The following FHL1 variants were observed in gnomAD, a reference collection of about 807,000 sequenced individuals.
FHL1 encodes four and a half LIM domains protein 1.
In FHL1, 1 loss-of-function variant was observed where a neutral mutation model predicts 20.3. That is an observed-to-expected ratio of 0.05 (90% CI 0.02 to 0.23). FHL1 has a LOEUF of 0.23. Ranked by LOEUF, FHL1 falls within the 10% of genes least tolerant of loss-of-function variation. The pLI is 1.00. For synonymous variants in FHL1, 82 were observed against 88.9 expected (o/e 0.92, Z 0.44); for missense variants, 177 against 234.0 (o/e 0.76, Z 1.59).
chrX:136,174,744 T>A (rs1270182485), intron 2 of FHL1, among the ~76,000 whole-genome samples: 6 of 111,649 alleles, frequency 5.4e-5, no homozygotes, highest in Non-Finnish European at 1.1e-4. Flanking sequence ...TAACTCTGAT[T>A]TTAAAATTTG....
chrX:136,164,541 A>G (rs2072662061), intron 1 of FHL1, among the ~76,000 whole-genome samples: 1 of 111,577 alleles, frequency 9.0e-6, no homozygotes, highest in Non-Finnish European at 1.9e-5. Flanking sequence ...CCAGTTAAAA[A>G]ATAAATATAT....
chrX:136,207,079 C>A lies in FHL1; in HGVS notation c.268C>A (p.Pro90Thr), dbSNP rs774990626. Residue 90 changes from proline (P) to threonine (T), a missense_variant, in exon 3 of 6, where the codon CCC becomes ACC. Physicochemically the swap from Pro to Thr is conservative, Grantham distance 38. Transcript: ENST00000370683. Reference sequence around the variant, plus strand: ...CTTCCGCTGTGCCAAGTGCCTTCACCCCTTGGCCAATGAGACCTTTGTGGC... The same window carrying A: ...CTTCCGCTGTGCCAAGTGCCTTCACACCTTGGCCAATGAGACCTTTGTGGC... ...TCFRCAKCLHPLANETFVAKD... is the reference protein window; with the variant it reads ...TCFRCAKCLHTLANETFVAKD... 2 of 1,211,801 alleles carry A rather than the reference C, an allele frequency of 1.7e-6. No homozygotes were observed. Among genetic ancestry groups the A allele is most frequent in the Non-Finnish European group, 2.2e-6 (2 of 895,514 alleles).
chrX:136,183,094 C>CAA lies in FHL1; in HGVS notation c.-27+13127_-27+13128dup, dbSNP rs770573573. Among the ~76,000 whole-genome samples the CAA allele has an allele frequency of 2.2e-4, 11 of 50,381 alleles. No individual in the cohort carries two copies. The South Asian group carries it at 2.8e-3, about 13-fold the overall frequency. 43.7% of individuals were successfully genotyped at this position (50,381 alleles called of 115,157 possible). A position where few individuals can be genotyped will look rare whatever the true frequency, so the allele number is the denominator to read the frequency against. On this transcript the variant is annotated intron_variant, in intron 2 of 6. Coordinates refer to the FHL1 transcript ENST00000394153. Reference sequence around the variant, plus strand: ...CCTGGGCGACAGAGCGAGACTGTCTCAAAAAAAAAAAAAACAAAAAACAAA... The same window carrying CAA: ...CCTGGGCGACAGAGCGAGACTGTCTCAAAAAAAAAAAAAAAACAAAAAACAAA...
At chrX:136,183,170 A>AATTAGT (rs1219036983) in intron 2 of FHL1, among the ~76,000 whole-genome samples, 1 of 110,716 alleles carries the variant, frequency 9.0e-6, no homozygotes, top group Non-Finnish European at 1.9e-5. Flanking sequence ...TAGTTGGGGG[A>AATTAGT]TGTGGGTGGG....
chrX:136,171,561 G>T (rs2072867628), intron 2 of FHL1, among the ~76,000 whole-genome samples: 1 of 112,746 alleles, frequency 8.9e-6, no homozygotes, highest in Non-Finnish European at 1.9e-5. Flanking sequence ...TGCCAGCTAG[G>T]TGAGACCTGA....
intron 1 of FHL1, chrX:136,148,742 G>A (rs1263879649): frequency 3.6e-5 from 4 of 111,923 alleles, no homozygotes; most frequent in Non-Finnish European, 7.5e-5. Context: ...TCTCAGGTTT[G>A]TTTTGATTGC....
intron 1 of FHL1, among the ~76,000 whole-genome samples, chrX:136,198,832 G>T (rs763732757): frequency 9.0e-6 from 1 of 111,678 alleles, no homozygotes; most frequent in South Asian, 3.8e-4. Flanking sequence ...GTGTGGAGGG[G>T]GATCAGGTCA....
intron 1 of FHL1, among the ~76,000 whole-genome samples, chrX:136,158,769 C>T (rs752552523): frequency 1.8e-5 from 2 of 111,238 alleles, no homozygotes; most frequent in South Asian, 3.8e-4. Flanking sequence ...TTTGAAGCCA[C>T]GAATCATTAA....
chrX:136,170,445 A>G (rs1214352818), intron 2 of FHL1, among the ~76,000 whole-genome samples: 1 of 111,435 alleles, frequency 9.0e-6, no homozygotes, highest in East Asian at 2.8e-4. Context: ...ATCTGGTGAT[A>G]GAAGGCCAAA....
intron 5 of FHL1, among the ~76,000 whole-genome samples, chrX:136,208,997 G>A (rs907403687): frequency 6.4e-5 from 7 of 109,442 alleles, no homozygotes; most frequent in Non-Finnish European, 1.3e-4. Context: ...AAGGGAGGCC[G>A]AAGAGTGATA....
At chrX:136,169,510 G>C (rs2072801776), upstream of FHL1, 8 of 173,585 alleles carry the variant, frequency 4.6e-5, no homozygotes, top group South Asian at 4.4e-4. Context: ...GATGTTAAAA[G>C]AGAGAGAGAG....
At chrX:136,175,681 C>A (rs1337580355) in intron 2 of FHL1, among the ~76,000 whole-genome samples, 2 of 112,207 alleles carry the variant, frequency 1.8e-5, no homozygotes, top group Admixed American at 9.4e-5. Context: ...TTCACACTTA[C>A]ATTAGCAATA....
rs1454391398 is a variant in FHL1, at chrX:136,210,416, A to ATG, written c.*391_*392insTG. ...CTCAGCTGGGACCCACCGTGTAGACACACGACATGCAAGAGTTGCAGCGGC... is the reference window on the plus strand; with the variant it reads ...CTCAGCTGGGACCCACCGTGTAGACATGCACGACATGCAAGAGTTGCAGCGGC... On this transcript the variant is annotated 3_prime_UTR_variant, in exon 6 of 6. Transcript: ENST00000370683. 7.6e-6 allele frequency: 3 copies of ATG among 393,531 alleles called. No homozygotes were observed. Among genetic ancestry groups the ATG allele is most frequent in the Non-Finnish European group, 1.4e-5 (3 of 210,693 alleles). The allele number at this position is 393,531 out of a possible 1,213,427, so 32.4% of individuals were successfully genotyped here.
chrX:136,151,946 C>T (rs2072275503), intron 1 of FHL1, among the ~76,000 whole-genome samples: 1 of 111,874 alleles, frequency 8.9e-6, no homozygotes, highest in African/African-American at 3.2e-5. Context: ...GATTATTACT[C>T]CTTTTAAGTT....
chrX:136,210,962 C>T lies in FHL1; in HGVS notation c.*937C>T, dbSNP rs1018309901. On this transcript the variant is annotated 3_prime_UTR_variant, in exon 6 of 6. Coordinates refer to ENST00000370683, the MANE Select transcript of FHL1 (RefSeq NM_001159699.2). ...AACTCTAGAGGGGGAGTTGAGCAGG[C>T]GCCAGGGCTGTCATCAACATGGATA... 6 of 378,559 alleles carry T rather than the reference C, an allele frequency of 1.6e-5. No individual in the cohort carries two copies. The highest frequency in any genetic ancestry group is 5.7e-5 in the East Asian group (1 of 17,675). 31.2% of individuals were successfully genotyped at this position (378,559 alleles called of 1,213,427 possible).
chrX:136,181,989 T>C lies in FHL1; in HGVS notation c.-27+12009T>C, dbSNP rs186990983. On this transcript the variant is annotated intron_variant, in intron 2 of 6. Coordinates refer to the FHL1 transcript ENST00000394153. Reference sequence around the variant, plus strand: ...GAACAGTACACAAATGTGACTAAATTGCTATAGAATGCTGTTAAAGAAGGT... The same window carrying C: ...GAACAGTACACAAATGTGACTAAATCGCTATAGAATGCTGTTAAAGAAGGT... 7.9e-4 allele frequency among the ~76,000 whole-genome samples: 89 copies of C among 112,359 alleles called. No individual in the cohort carries two copies. The East Asian group carries it at 0.013, about 16-fold the overall frequency.
At chrX:136,181,916 T>G (rs1204972116) in intron 2 of FHL1, among the ~76,000 whole-genome samples, 1 of 112,047 alleles carries the variant, frequency 8.9e-6, no homozygotes, top group Non-Finnish European at 1.9e-5. Flanking sequence ...GTAGCAGATT[T>G]CACCAGTTAA....
At chrX:136,147,601 C>G (rs2072133652) in exon 1 of FHL1, 3 of 108,784 alleles carry the variant, frequency 2.8e-5, no homozygotes, top group African/African-American at 1.0e-4. Flanking sequence ...GCCGCCGAGA[C>G]AGCTGCGCGG....
At chrX:136,185,589 A>G (rs948596849) in intron 2 of FHL1, among the ~76,000 whole-genome samples, 14 of 111,630 alleles carry the variant, frequency 1.3e-4, no homozygotes, top group African/African-American at 4.6e-4. Context: ...GGTGCAATCT[A>G]AGTTAGGAAA....
Sources: gnomAD v4.1 joint callset for allele counts (sites outside exome capture counted in the v4.1 genomes callset) on GRCh38, gnomAD v4.1.1 for gene constraint, MANE v1.5 for transcripts, NCBI Gene and HGNC (gene_info 2026-07-23, HGNC 2026-07-21) for gene names.